The following SORBS2 variants were observed in gnomAD, a reference collection of about 807,000 sequenced individuals.
The protein encoded by SORBS2 is sorbin and SH3 domain-containing protein 2.
Under a neutral mutation model 97.7 loss-of-function variants are expected in SORBS2, and 46 were observed. That is an observed-to-expected ratio of 0.47 (90% CI 0.37 to 0.60). The LOEUF (loss-of-function observed/expected upper bound fraction) is 0.60. Ranked by LOEUF, SORBS2 falls within the 20% of genes least tolerant of loss-of-function variation. The pLI, the probability that SORBS2 is intolerant of heterozygous loss-of-function variation, is 0.00. For missense variants in SORBS2, 1,316 were observed against 1,282.3 expected, an observed-to-expected ratio of 1.03 and a Z score of -0.40; for synonymous variants, 476 against 473.4, an observed-to-expected ratio of 1.01 and a Z score of -0.07.
intron 1 of SORBS2, among the ~76,000 whole-genome samples, chr4:185,834,385 A>T (rs531026841): frequency 1.3e-5 from 2 of 152,342 alleles, no homozygotes; most frequent in South Asian, 4.1e-4. Flanking sequence ...AGGACACATT[A>T]ATTAGATAAG....
At chr4:185,939,658 G>A (rs1017296528) in intron 1 of SORBS2, among the ~76,000 whole-genome samples, 11 of 152,096 alleles carry the variant, frequency 7.2e-5, no homozygotes, top group South Asian at 4.2e-4. Flanking sequence ...TTACAGGCAC[G>A]TGCCACCACG....
chr4:185,712,267 A>G lies in SORBS2; in HGVS notation c.-197-33445T>C, dbSNP rs576492919. ...ATGAATGTCAGAGAGAAGCAGCTTGACTTTGGAGGGACAGCTTGACGGCGT... is the reference window on the plus strand; with the variant it reads ...ATGAATGTCAGAGAGAAGCAGCTTGGCTTTGGAGGGACAGCTTGACGGCGT... On this transcript the variant is annotated intron_variant, in intron 2 of 20. Transcript: ENST00000284776. 8.7e-4 allele frequency among the ~76,000 whole-genome samples: 133 copies of G among 152,242 alleles called. 1 individual carries two copies. The highest frequency in any genetic ancestry group is 3.1e-3 in the African/African-American group (130 of 41,546).
intron 1 of SORBS2, among the ~76,000 whole-genome samples, chr4:185,888,867 A>C (rs1357872750): frequency 1.3e-5 from 2 of 152,208 alleles, no homozygotes. Flanking sequence ...ATTGTTTGCA[A>C]ACTGCATGAG....
At chr4:185,789,322 C>T (rs2099070156) in intron 1 of SORBS2, among the ~76,000 whole-genome samples, 1 of 152,124 alleles carries the variant, frequency 6.6e-6, no homozygotes, top group Non-Finnish European at 1.5e-5. Flanking sequence ...CTGTAGAGAA[C>T]TCCTAATACT....
intron 14 of SORBS2, 103 bp from the exon 27 acceptor site, chr4:185,587,791 C>A: frequency 2.2e-6 from 2 of 889,678 alleles, no homozygotes; most frequent in South Asian, 1.4e-5. Context: ...GACAGCAAGC[C>A]CCGAGGGGTT....
rs545602100 is a variant in SORBS2 at position 185,891,652 on chromosome 4, C to G, written c.-338+64544G>C. ...CCTCACTCACAAGGAGACCCCCTGG[C>G]CTGTCAAACTATCCTTGAAAAACCC... On this transcript the variant is annotated intron_variant, in intron 1 of 20. Transcript: ENST00000284776. Among the ~76,000 whole-genome samples the G allele has an allele frequency of 7.2e-5, 11 of 152,258 alleles. No homozygotes were observed. The South Asian group carries it at 2.3e-3, about 32-fold the overall frequency.
chr4:185,594,551 T>C (rs2096038101), intron 12 of SORBS2, among the ~76,000 whole-genome samples: 1 of 152,206 alleles, frequency 6.6e-6, no homozygotes, highest in Non-Finnish European at 1.5e-5. Flanking sequence ...CCGGGTAACA[T>C]GTAACATTTT....
intron 1 of SORBS2, among the ~76,000 whole-genome samples, chr4:185,857,808 G>C (rs938014638): frequency 6.6e-6 from 1 of 152,134 alleles, no homozygotes; most frequent in Admixed American, 6.5e-5. Flanking sequence ...ACTAGGATTG[G>C]GAAATTCCAG....
chr4:185,806,913 A>G (rs193167696), intron 1 of SORBS2, among the ~76,000 whole-genome samples: 7 of 152,270 alleles, frequency 4.6e-5, no homozygotes, highest in Admixed American at 3.9e-4. Flanking sequence ...CTATTCCAGA[A>G]AAAATGTACT....
At chr4:185,735,818 T>C in intron 2 of SORBS2, among the ~76,000 whole-genome samples, 1 of 152,192 alleles carries the variant, frequency 6.6e-6, no homozygotes, top group East Asian at 1.9e-4. Flanking sequence ...GTTTACCTTA[T>C]TTAACCGTTG....
At chr4:185,897,475 G>T (rs986908734) in intron 1 of SORBS2, among the ~76,000 whole-genome samples, 2 of 152,220 alleles carry the variant, frequency 1.3e-5, no homozygotes, top group African/African-American at 2.4e-5. Flanking sequence ...AAAATGGACA[G>T]TTTCCCCTGT....
chr4:185,846,954 C>T (rs2099214885), intron 1 of SORBS2, among the ~76,000 whole-genome samples: 1 of 151,992 alleles, frequency 6.6e-6, no homozygotes, highest in Non-Finnish European at 1.5e-5. Flanking sequence ...ATGATAACAC[C>T]TTTGGTAGAT....
chr4:185,817,124 C>T (rs960753484), intron 1 of SORBS2, among the ~76,000 whole-genome samples: 1 of 152,046 alleles, frequency 6.6e-6, no homozygotes, highest in Admixed American at 6.6e-5. Context: ...ATGATTGCAG[C>T]AGCTTACAGG....
chr4:185,851,223 CT>C (rs1461045280), intron 1 of SORBS2, among the ~76,000 whole-genome samples: 23 of 152,084 alleles, frequency 1.5e-4, no homozygotes, highest in African/African-American at 5.3e-4. Context: ...CATATTTTGC[CT>C]CTGACATGGC....
intron 1 of SORBS2, among the ~76,000 whole-genome samples, chr4:185,933,585 A>G (rs533711066): frequency 6.6e-6 from 1 of 152,166 alleles, no homozygotes; most frequent in African/African-American, 2.4e-5. Context: ...TTGTAGACGC[A>G]TCACCTGGAT....
chr4:185,664,749 T>C (rs2097572514), intron 4 of SORBS2, among the ~76,000 whole-genome samples: 1 of 152,234 alleles, frequency 6.6e-6, no homozygotes, highest in African/African-American at 2.4e-5. Flanking sequence ...TGGCTTATTA[T>C]AACATTTCTC....
At chr4:185,678,074 AG>A (rs1187262608) in intron 4 of SORBS2, among the ~76,000 whole-genome samples, 3 of 152,222 alleles carry the variant, frequency 2.0e-5, no homozygotes, top group African/African-American at 7.2e-5. Context: ...TTAATATAAT[AG>A]TTGCATACTC....
chr4:185,768,698 C>CAAAAAA (rs1207578871), intron 2 of SORBS2, among the ~76,000 whole-genome samples: 4 of 84,772 alleles, frequency 4.7e-5, no homozygotes, highest in South Asian at 3.7e-4. Flanking sequence ...GACTCTGTCT[C>CAAAAAA]AAAAAAAAAA....
chr4:185,638,929 CG>C (rs2097077988), intron 4 of SORBS2: 5 of 1,504,372 alleles, frequency 3.3e-6, no homozygotes, highest in African/African-American at 1.4e-5. Flanking sequence ...GGCGCCACTC[CG>C]GGGCGGAGGG....
Sources: gnomAD v4.1 joint callset for allele counts (sites outside exome capture counted in the v4.1 genomes callset) on GRCh38, gnomAD v4.1.1 for gene constraint, MANE v1.5 for transcripts, NCBI Gene and HGNC (gene_info 2026-07-23, HGNC 2026-07-21) for gene names.